Variants in GALNT5 observed in about 807,000 individuals in gnomAD.
GALNT5 encodes polypeptide N-acetylgalactosaminyltransferase 5.
Under a neutral mutation model 85.4 loss-of-function variants are expected in GALNT5, and 72 were observed. The ratio of observed to expected loss-of-function variants is 0.84; its 90% CI spans 0.70 to 1.03. The LOEUF (loss-of-function observed/expected upper bound fraction) is 1.03, where lower values mean the gene tolerates loss of function less well. Among genes scored for constraint, GALNT5 ranks in the 50% least tolerant of loss-of-function variants. The pLI, the probability that GALNT5 is intolerant of heterozygous loss-of-function variation, is 0.00. For synonymous variants in GALNT5, 404 were observed against 397.0 expected, an observed-to-expected ratio of 1.02 and a Z score of -0.21; for missense variants, 1,137 against 1,135.5, an observed-to-expected ratio of 1.00 and a Z score of -0.02.
chr2:157,297,294 C>A (rs530082860), intron 5 of GALNT5, among the ~76,000 whole-genome samples: 82 of 152,266 alleles, frequency 5.4e-4, no homozygotes, highest in Non-Finnish European at 9.6e-4. Context: ...AGGTGTGATG[C>A]CTTCAGAATT....
At position 157,317,198 on chromosome 2, in the gene GALNT5, ATT is replaced by A. The variant is rs1288089376; in HGVS notation, c.*5860_*5861del. 0.028 allele frequency among the ~76,000 whole-genome samples: 3,667 copies of A among 132,904 alleles called. 129 individuals are homozygous for A. Among genetic ancestry groups the A allele is most frequent in the African/African-American group, 0.092 (3,252 of 35,528 alleles). 87.2% of individuals were successfully genotyped at this position (132,904 alleles called of 152,430 possible). ...TGTATATATATATATATATATATAT[ATT>A]TTTTTTTTTGATGCTTTGATCTGGA... On this transcript the variant is annotated 3_prime_UTR_variant, in exon 10 of 10. Transcript: ENST00000259056.
intron 9 of GALNT5, 149 bp from the exon 10 acceptor site, chr2:157,311,059 C>T: frequency 1.5e-6 from 1 of 663,320 alleles, no homozygotes; most frequent in Non-Finnish European, 2.6e-6. Context: ...TTTTCAAAGT[C>T]TGTGTTTATG....
intron 1 of GALNT5, among the ~76,000 whole-genome samples, chr2:157,264,198 C>G (rs952037650): frequency 6.6e-6 from 1 of 151,912 alleles, no homozygotes; most frequent in African/African-American, 2.4e-5. Context: ...CACACACACA[C>G]ACACACGTAC....
chr2:157,294,044 T>C (rs775882799), intron 3 of GALNT5, among the ~76,000 whole-genome samples: 4 of 152,234 alleles, frequency 2.6e-5, no homozygotes, highest in Non-Finnish European at 5.9e-5. Flanking sequence ...ACATAAAACA[T>C]GCATGAAGAA....
In GALNT5 at chr2:157,311,367, A is replaced by G. The variant is rs1233265125; in HGVS notation, c.*19A>G. 9 of 1,529,968 alleles carry G rather than the reference A, an allele frequency of 5.9e-6. No individual in the cohort carries two copies. The highest frequency in any genetic ancestry group is 1.4e-5 in the African/African-American group (1 of 72,176). 94.8% of individuals were successfully genotyped at this position (1,529,968 alleles called of 1,614,324 possible). ...AGCCTGAAGTGTAACTGATGTTTTT[A>G]TATAGTAAACCCATTAAATACTGTG... On this transcript the variant is annotated 3_prime_UTR_variant, in exon 10 of 10. Transcript: ENST00000259056.
In GALNT5 at chr2:157,259,578, T is replaced by G. The variant is rs757327382; in HGVS notation, c.1454+42T>G. On this transcript the variant is annotated intron_variant, in intron 1 of 9. Transcript: ENST00000259056. ...TTCTCTTTCCTCAACCCCAAGTGCT[T>G]TGGCTGTTATGTAAAGAGGATTTAT... 3 of 1,295,520 alleles carry G rather than the reference T, an allele frequency of 2.3e-6. No homozygotes were observed. In the Admixed American group the frequency reaches 9.1e-5, roughly 39 times the overall value. 80.3% of individuals were successfully genotyped at this position (1,295,520 alleles called of 1,614,324 possible).
intron 1 of GALNT5, among the ~76,000 whole-genome samples, chr2:157,265,289 T>C (rs1021916690): frequency 6.6e-6 from 1 of 152,186 alleles, no homozygotes; most frequent in African/African-American, 2.4e-5. Flanking sequence ...CAAAGGACAA[T>C]GAACTGGGCC....
intron 1 of GALNT5, among the ~76,000 whole-genome samples, chr2:157,275,172 T>A (rs914293202): frequency 6.6e-6 from 1 of 152,218 alleles, no homozygotes; most frequent in Non-Finnish European, 1.5e-5. Flanking sequence ...GCCTCTGTTC[T>A]GTTCCATTCG....
At chr2:157,300,366 C>G (rs1276511200) in intron 6 of GALNT5, among the ~76,000 whole-genome samples, 1 of 151,998 alleles carries the variant, frequency 6.6e-6, no homozygotes, top group Non-Finnish European at 1.5e-5. Context: ...ATACTTCTTT[C>G]CCTGATTCAA....
chr2:157,281,915 T>G (rs1327051931), intron 1 of GALNT5, among the ~76,000 whole-genome samples: 2 of 152,198 alleles, frequency 1.3e-5, no homozygotes, highest in Non-Finnish European at 2.9e-5. Flanking sequence ...ATCTTCTTTC[T>G]GTTCAGAGTA....
Position 157,312,378 on chromosome 2 carries a change from G to C in GALNT5, c.*1030G>C, listed in dbSNP as rs1683593743. ...TGAAGTGAAGGAAACATCATGAAAG[G>C]GGAAAGGAATGAGGTAAACAAGTCT... is the stretch of plus-strand genomic sequence containing the variant. On this transcript the variant is annotated 3_prime_UTR_variant, in exon 10 of 10. Coordinates refer to ENST00000259056, the MANE Select transcript of GALNT5 (RefSeq NM_014568.3). 1 of 151,836 alleles carries C rather than the reference G, an allele frequency of 6.6e-6. No homozygotes were observed. The highest frequency in any genetic ancestry group is 6.6e-5 in the Admixed American group (1 of 15,188). 9.4% of individuals were successfully genotyped at this position (151,836 alleles called of 1,614,324 possible).
chr2:157,258,137 T>A lies in GALNT5; in HGVS notation c.55T>A (p.Phe19Ile), dbSNP rs928987779. The A allele has an allele frequency of 5.6e-6, 9 of 1,614,140 alleles. No individual in the cohort carries two copies. Among genetic ancestry groups the A allele is most frequent in the Non-Finnish European group, 7.6e-6 (9 of 1,180,008 alleles). Residue 19 changes from phenylalanine to isoleucine, a missense_variant, in exon 1 of 10, where the codon TTT becomes ATT. Physicochemically the swap from Phe to Ile is conservative, Grantham distance 21 (BLOSUM62 0). Coordinates refer to ENST00000259056, the MANE Select transcript of GALNT5 (RefSeq NM_014568.3). ...RGSGRVLAFI[F>I]VASVIWLLFD... ...AAGTGGGCGAGTCTTGGCATTTATC[T>A]TTGTAGCTTCTGTCATCTGGCTCCT...
rs368536436 is a variant in GALNT5, at chr2:157,258,814, A to C, written c.732A>C (p.Thr244=). 2.5e-5 allele frequency: 40 copies of C among 1,597,680 alleles called. No individual in the cohort carries two copies. The highest frequency in any genetic ancestry group is 3.2e-5 in the Non-Finnish European group (37 of 1,169,448). ...ACGAGAGGGCACACCCTGCCAGCAC[A>C]GCAGTGCCGAAGTCTGGGGAAGCCA... ...VANERAHPAS[T]AVPKSGEAMA... is the part of the protein sequence containing the mutation. Residue 244 remains threonine, a synonymous_variant, in exon 1 of 10, where the codon ACA becomes ACC. Transcript: ENST00000259056.
chr2:157,288,518 A>T (rs1683023228), intron 3 of GALNT5, among the ~76,000 whole-genome samples: 2 of 152,232 alleles, frequency 1.3e-5, no homozygotes, highest in Non-Finnish European at 2.9e-5. Flanking sequence ...TGAAGAAATG[A>T]GCTTGGCATA....
intron 3 of GALNT5, among the ~76,000 whole-genome samples, chr2:157,294,526 G>C (rs963686166): frequency 3.9e-5 from 6 of 152,182 alleles, no homozygotes; most frequent in Non-Finnish European, 7.3e-5. Flanking sequence ...AGGCACCTGA[G>C]TTAGGAATGC....
intron 3 of GALNT5, among the ~76,000 whole-genome samples, chr2:157,287,762 T>G (rs1392092675): frequency 6.6e-6 from 1 of 152,202 alleles, no homozygotes; most frequent in Admixed American, 6.5e-5. Flanking sequence ...TTATGAGTAT[T>G]CTAAAAACAA....
rs776698902 is a variant in GALNT5, at chr2:157,318,010, T to G, written c.*6662T>G. The stretch of plus-strand genomic sequence containing the variant: ...TCTGATACTTTAATATTGGTAAATA[T>G]AGTTTTTGACATTGCATTTTACAAT... On this transcript the variant is annotated 3_prime_UTR_variant, in exon 10 of 10. Transcript: ENST00000259056. Among the ~76,000 whole-genome samples, 2 of 152,178 alleles carry G rather than the reference T, an allele frequency of 1.3e-5. No homozygotes were observed. The highest frequency in any genetic ancestry group is 4.8e-5 in the African/African-American group (2 of 41,444).
rs775189763 is a variant in GALNT5 at position 157,296,521 on chromosome 2, T to G, written c.1997+8T>G. Reference sequence around the variant, plus strand: ...AGAAACTGATACAATAAGGTAAGTGTGGGAAATTTAAGACTAGAAAGCAGT... The same window carrying G: ...AGAAACTGATACAATAAGGTAAGTGGGGGAAATTTAAGACTAGAAAGCAGT... On this transcript the variant is annotated splice_region_variant and intron_variant, in intron 5 of 9. Coordinates refer to ENST00000259056, the MANE Select transcript of GALNT5 (RefSeq NM_014568.3). The G allele has an allele frequency of 7.9e-5, 126 of 1,603,970 alleles. No individual in the cohort carries two copies. Among genetic ancestry groups the G allele is most frequent in the Non-Finnish European group, 1.0e-4 (123 of 1,172,870 alleles).
At chr2:157,311,173 C>G in intron 9 of GALNT5, 35 bp from the exon 10 acceptor site, 1 of 1,560,024 alleles carries the variant, frequency 6.4e-7, no homozygotes, top group Non-Finnish European at 8.8e-7. Flanking sequence ...TCAAATTCAG[C>G]CTGTGGCTCA....
Sources: allele counts gnomAD v4.1 joint callset (sites outside exome capture counted in the v4.1 genomes callset), GRCh38; gene constraint gnomAD v4.1.1; transcripts MANE v1.5; gene names NCBI Gene and HGNC (gene_info 2026-07-23, HGNC 2026-07-21).